Variants in TAFA5 observed in about 807,000 individuals in gnomAD.
TAFA5 encodes the protein chemokine-like protein TAFA-5.
A neutral mutation model predicts 15.3 loss-of-function variants in TAFA5; 6 were observed. The ratio of observed to expected loss-of-function variants is 0.39; its 90% confidence interval spans 0.21 to 0.77. The LOEUF (loss-of-function observed/expected upper bound fraction) is 0.77. TAFA5 is among the 30% of genes least tolerant of loss of function. The probability of loss-of-function intolerance (pLI) is 0.41; values close to 1 mark genes in which losing one functional copy is unlikely to be tolerated. For missense variants in TAFA5, 161 were observed against 193.1 expected, an observed-to-expected ratio of 0.83 and a Z score of 0.98; for synonymous variants, 103 against 80.7, an observed-to-expected ratio of 1.28 and a Z score of -1.48.
intron 1 of TAFA5, among the ~76,000 whole-genome samples, chr22:48,562,294 T>C (rs1045901471): frequency 5.3e-5 from 8 of 152,148 alleles, no homozygotes; most frequent in African/African-American, 1.2e-4. Flanking sequence ...CCCGCCACTA[T>C]GCCCGGCTAA....
chr22:48,582,949 CCA>C (rs753209121), intron 1 of TAFA5, among the ~76,000 whole-genome samples: 1 of 129,392 alleles, frequency 7.7e-6, no homozygotes, highest in Non-Finnish European at 1.8e-5. Context: ...ACACCACATG[CCA>C]CACACACACC....
At chr22:48,713,282 C>T (rs1024245743) in intron 3 of TAFA5, among the ~76,000 whole-genome samples, 4 of 152,204 alleles carry the variant, frequency 2.6e-5, no homozygotes, top group African/African-American at 4.8e-5. Flanking sequence ...GACGTGCAGA[C>T]GGCAGCTGCC....
At chr22:48,655,199 C>T (rs1238467504) in intron 2 of TAFA5, among the ~76,000 whole-genome samples, 1 of 152,184 alleles carries the variant, frequency 6.6e-6, no homozygotes, top group Non-Finnish European at 1.5e-5. Flanking sequence ...CCTGGCTGCT[C>T]CTGGAGCAAA....
intron 3 of TAFA5, among the ~76,000 whole-genome samples, chr22:48,708,388 T>C (rs132238): frequency 0.7 from 106,581 of 152,082 alleles, 37,528 homozygotes; most frequent in Middle Eastern, 0.72. Context: ...GGGCATGCAG[T>C]GCACCCCGCC....
chr22:48,698,093 A>ATGGTGGTGG (rs1242122487), intron 2 of TAFA5, among the ~76,000 whole-genome samples: 1 of 134,842 alleles, frequency 7.4e-6, no homozygotes, highest in African/African-American at 2.9e-5. Flanking sequence ...GGTGGTGATA[A>ATGGTGGTGG]TGGTGGTGGT....
At chr22:48,691,902 C>T (rs1020795471) in intron 2 of TAFA5, among the ~76,000 whole-genome samples, 5 of 152,282 alleles carry the variant, frequency 3.3e-5, no homozygotes, top group South Asian at 2.1e-4. Flanking sequence ...GTCCCTGTCA[C>T]GGGATCCATC....
intron 1 of TAFA5, chr22:48,543,853 CCATTTGACCCT>C (rs1163588503): frequency 6.6e-6 from 1 of 152,372 alleles, no homozygotes; most frequent in Admixed American, 6.5e-5. Flanking sequence ...AGATAACTCT[CCATTTGACCCT>C]CATTCTCCAC....
rs561673690 is a variant in TAFA5 at position 48,532,384 on chromosome 22, C to T, written c.112+42680C>T. Among the ~76,000 whole-genome samples the T allele has an allele frequency of 9.2e-5, 14 of 152,324 alleles. No homozygotes were observed. The East Asian group carries it at 2.7e-3, about 29-fold the overall frequency. On this transcript the variant is annotated intron_variant, in intron 1 of 3. Transcript: ENST00000402357. ...TCCGGTGAGGAGTACATGTTGGAAACACGTATTTCATGTTCTCAAGAGACC... is the reference window on the plus strand; with the variant it reads ...TCCGGTGAGGAGTACATGTTGGAAATACGTATTTCATGTTCTCAAGAGACC...
intron 3 of TAFA5, among the ~76,000 whole-genome samples, chr22:48,734,868 T>G (rs1282433380): frequency 6.6e-6 from 1 of 152,186 alleles, no homozygotes; most frequent in East Asian, 1.9e-4. Context: ...CAAGTTGGAC[T>G]CTTACCTCAC....
rs115718689 is a variant in TAFA5 at position 48,565,931 on chromosome 22, T to G, written c.112+76227T>G. Among the ~76,000 whole-genome samples, 652 of 151,988 alleles carry G rather than the reference T, an allele frequency of 4.3e-3. 6 individuals are homozygous for G. The highest frequency in any genetic ancestry group is 0.015 in the African/African-American group (626 of 41,438). ...ATGAATTGATAGGTAGATGAGTAGA[T>G]GGATGATGGATGATGAATAGATGTG... On this transcript the variant is annotated intron_variant, in intron 1 of 3. Coordinates refer to ENST00000402357, the MANE Select transcript of TAFA5 (RefSeq NM_001082967.3).
intron 1 of TAFA5, among the ~76,000 whole-genome samples, chr22:48,589,331 C>T (rs1378217141): frequency 6.6e-6 from 1 of 152,128 alleles, no homozygotes; most frequent in Non-Finnish European, 1.5e-5. Flanking sequence ...AGTCTCTGCA[C>T]CTGTGAGAAA....
At chr22:48,511,625 G>A (rs1044387546) in intron 1 of TAFA5, among the ~76,000 whole-genome samples, 5 of 152,316 alleles carry the variant, frequency 3.3e-5, no homozygotes, top group South Asian at 4.2e-4. Flanking sequence ...GTGCAAAGCC[G>A]CATTCGTTCT....
chr22:48,542,663 T>TGTGGGTGTGTG (rs1922495224), intron 1 of TAFA5, among the ~76,000 whole-genome samples: 1 of 76,918 alleles, frequency 1.3e-5, no homozygotes, highest in African/African-American at 5.4e-5. Context: ...GTGTGTGTGG[T>TGTGGGTGTGTG]GTGTGTGTGA....
At chr22:48,520,694 A>C (rs912790516) in intron 1 of TAFA5, among the ~76,000 whole-genome samples, 1 of 152,108 alleles carries the variant, frequency 6.6e-6, no homozygotes, top group African/African-American at 2.4e-5. Flanking sequence ...GACTTGGCTT[A>C]ATGGGCAGGA....
At chr22:48,644,404 G>C (rs1000849147) in intron 1 of TAFA5, among the ~76,000 whole-genome samples, 2 of 152,240 alleles carry the variant, frequency 1.3e-5, no homozygotes, top group African/African-American at 2.4e-5. Flanking sequence ...GGGCTCTGCA[G>C]CCTGGCCTGG....
intron 1 of TAFA5, among the ~76,000 whole-genome samples, chr22:48,577,268 T>C (rs901587106): frequency 1.3e-5 from 2 of 152,016 alleles, no homozygotes; most frequent in African/African-American, 4.8e-5. Context: ...TTACTGGGGG[T>C]TGGGGGCAGG....
At chr22:48,676,940 G>C (rs1345975180) in intron 2 of TAFA5, among the ~76,000 whole-genome samples, 3 of 152,186 alleles carry the variant, frequency 2.0e-5, no homozygotes, top group Non-Finnish European at 2.9e-5. Flanking sequence ...TCACCTTTTT[G>C]AGCTGTCATT....
At chr22:48,582,559 A>G (rs1924100624) in intron 1 of TAFA5, among the ~76,000 whole-genome samples, 1 of 151,150 alleles carries the variant, frequency 6.6e-6, no homozygotes, top group Non-Finnish European at 1.5e-5. Flanking sequence ...CACACAAAAT[A>G]CACCACACAC....
At position 48,514,631 on chromosome 22, in the gene TAFA5, G is replaced by T. The variant is rs374514448; in HGVS notation, c.112+24927G>T. 1.4e-3 allele frequency among the ~76,000 whole-genome samples: 207 copies of T among 152,224 alleles called. 1 individual carries two copies. Among genetic ancestry groups the T allele is most frequent in the African/African-American group, 4.8e-3 (201 of 41,530 alleles). On this transcript the variant is annotated intron_variant, in intron 1 of 3. Transcript: ENST00000402357. ...GCCGGGCAGCATGGAGAGCCTGGGG[G>T]TCAGTCCCCCACTCATGCCAGCCAG...
Sources: allele counts gnomAD v4.1 joint callset (sites outside exome capture counted in the v4.1 genomes callset), GRCh38; gene constraint gnomAD v4.1.1; transcripts MANE v1.5; gene names NCBI Gene and HGNC (gene_info 2026-07-23, HGNC 2026-07-21).